ADAMTS17: variants seen among roughly 807,000 people sequenced by gnomAD.
ADAMTS17 encodes ADAM metallopeptidase with thrombospondin type 1 motif 17.
A neutral mutation model predicts 141.5 loss-of-function variants in ADAMTS17; 113 were observed. The observed-to-expected ratio is 0.80, with a 90% CI of 0.69 to 0.93. The LOEUF (loss-of-function observed/expected upper bound fraction) is 0.93. Ranked by LOEUF, ADAMTS17 falls within the 40% of genes least tolerant of loss-of-function variation. The pLI, the probability that ADAMTS17 is intolerant of heterozygous loss-of-function variation, is 0.00. For synonymous variants in ADAMTS17, 768 were observed against 630.6 expected, an observed-to-expected ratio of 1.22 and a Z score of -3.27; for missense variants, 1,659 against 1,517.9, an observed-to-expected ratio of 1.09 and a Z score of -1.54.
At chr15:100,232,839 G>C (rs917034301) in intron 7 of ADAMTS17, among the ~76,000 whole-genome samples, 4 of 152,098 alleles carry the variant, frequency 2.6e-5, no homozygotes, top group Non-Finnish European at 5.9e-5. Context: ...GTTGGAGGCG[G>C]CGCAGATCGA....
chr15:100,334,602 C>T (rs1004459911), intron 2 of ADAMTS17, among the ~76,000 whole-genome samples: 2 of 152,290 alleles, frequency 1.3e-5, no homozygotes, highest in African/African-American at 2.4e-5. Flanking sequence ...CCCCGACTCT[C>T]GGGTGGGCAC....
intron 13 of ADAMTS17, among the ~76,000 whole-genome samples, chr15:100,109,429 T>C (rs943408273): frequency 1.3e-5 from 2 of 149,066 alleles, no homozygotes; most frequent in African/African-American, 4.9e-5. Flanking sequence ...TGCTAATCTC[T>C]ACGTTGAATA....
intron 3 of ADAMTS17, among the ~76,000 whole-genome samples, chr15:100,292,038 G>A (rs1317070944): frequency 6.6e-6 from 1 of 151,096 alleles, no homozygotes. Context: ...AATCACGAGA[G>A]ACGCTCAGCC....
At chr15:100,161,493 C>A (rs61075242) in intron 8 of ADAMTS17, among the ~76,000 whole-genome samples, 15 of 152,216 alleles carry the variant, frequency 9.9e-5, no homozygotes, top group African/African-American at 3.6e-4. Context: ...TCCAGCCCTA[C>A]TTTCATAGCC....
intron 7 of ADAMTS17, among the ~76,000 whole-genome samples, chr15:100,237,337 G>A (rs2042689722): frequency 6.6e-6 from 1 of 152,122 alleles, no homozygotes; most frequent in Non-Finnish European, 1.5e-5. Context: ...CTGCTTTTGG[G>A]GTCTCACTTC....
chr15:100,325,548 G>T (rs570315491), intron 3 of ADAMTS17, among the ~76,000 whole-genome samples: 6 of 152,194 alleles, frequency 3.9e-5, no homozygotes, highest in Non-Finnish European at 7.3e-5. Flanking sequence ...AGCCTAGTGG[G>T]AGGTGGCGGA....
At chr15:100,135,384 C>T (rs1237349107) in intron 10 of ADAMTS17, among the ~76,000 whole-genome samples, 3 of 151,652 alleles carry the variant, frequency 2.0e-5, no homozygotes, top group Non-Finnish European at 4.4e-5. Context: ...CCCAGGTTCA[C>T]GCCATTCTCC....
At chr15:100,334,855 A>C (rs567986242) in intron 2 of ADAMTS17, among the ~76,000 whole-genome samples, 1 of 152,166 alleles carries the variant, frequency 6.6e-6, no homozygotes, top group South Asian at 2.1e-4. Context: ...CAGCCAGCCA[A>C]AAAGGACTGC....
chr15:100,096,165 T>C (rs1053412399), intron 15 of ADAMTS17, among the ~76,000 whole-genome samples, 191 bp downstream of exon 15: 7 of 152,232 alleles, frequency 4.6e-5, no homozygotes, highest in Non-Finnish European at 1.0e-4. Flanking sequence ...TATTCACTAC[T>C]AGCAACGTGA....
intron 18 of ADAMTS17, 97 bp downstream of exon 18, chr15:100,048,760 G>T: frequency 6.5e-7 from 1 of 1,544,640 alleles, no homozygotes. Flanking sequence ...ACAGCATAGA[G>T]CAGTACTGTG....
chr15:100,160,106 T>C (rs7183838), intron 8 of ADAMTS17, among the ~76,000 whole-genome samples: 44,200 of 151,960 alleles, frequency 0.29, 8,656 homozygotes, highest in African/African-American at 0.55. Flanking sequence ...GTTACAAAAT[T>C]TGCACATTCA....
intron 18 of ADAMTS17, among the ~76,000 whole-genome samples, chr15:100,002,391 G>A (rs1045394605): frequency 1.3e-5 from 2 of 152,032 alleles, no homozygotes; most frequent in Non-Finnish European, 2.9e-5. Flanking sequence ...TTGGCATGCC[G>A]TAGGCCACAG....
At chr15:100,004,497 A>G (rs549973671) in intron 18 of ADAMTS17, among the ~76,000 whole-genome samples, 1 of 152,328 alleles carries the variant, frequency 6.6e-6, no homozygotes, top group South Asian at 2.1e-4. Flanking sequence ...AACAATTTAT[A>G]TTCCAATTAC....
At position 100,262,390 on chromosome 15, in the gene ADAMTS17, T is replaced by C. The variant is rs753744931; in HGVS notation, c.835A>G (p.Ile279Val). 2 of 1,614,032 alleles carry C rather than the reference T, an allele frequency of 1.2e-6. No individual in the cohort carries two copies. The highest frequency in any genetic ancestry group is 2.2e-5 in the South Asian group (2 of 91,076). ...QHQSLGIKIN[I>V]QVTKLVLLRQ... ...AGCAGGACAAGCTTGGTCACTTGAA[T>C]GTTAATTTTAATCCCCAGGCTCTGG... Residue 279 changes from isoleucine to valine, a missense_variant, in exon 5 of 22, where the codon ATT (isoleucine) becomes GTT (valine). Coordinates refer to ENST00000268070, the MANE Select transcript of ADAMTS17 (RefSeq NM_139057.4).
intron 14 of ADAMTS17, among the ~76,000 whole-genome samples, chr15:100,099,372 A>C (rs1160771962): frequency 6.6e-6 from 1 of 152,208 alleles, no homozygotes; most frequent in African/African-American, 2.4e-5. Flanking sequence ...AGCAACTTAT[A>C]ATCTTGGCAG....
In ADAMTS17 at chr15:100,205,741, C is replaced by T. The variant is rs941456951; in HGVS notation, c.1076-6318G>A. ...CCTGTATGTGACACAGGCCTTGCGC[C>T]GGGCAGAGTCTAAGCTGAGCAGGCA... On this transcript the variant is annotated intron_variant, in intron 7 of 21. Transcript: ENST00000268070. Among the ~76,000 whole-genome samples, 26 of 152,314 alleles carry T rather than the reference C, an allele frequency of 1.7e-4. 1 individual carries two copies. The East Asian group carries it at 2.1e-3, about 12-fold the overall frequency.
intron 18 of ADAMTS17, among the ~76,000 whole-genome samples, chr15:100,020,743 C>A (rs1430614277): frequency 6.6e-6 from 1 of 152,214 alleles, no homozygotes; most frequent in Non-Finnish European, 1.5e-5. Flanking sequence ...CAGGCTAGAG[C>A]CATGTGGAGA....
chr15:100,102,325 T>A (rs556096308), intron 14 of ADAMTS17, among the ~76,000 whole-genome samples: 3 of 149,942 alleles, frequency 2.0e-5, no homozygotes, highest in Non-Finnish European at 3.0e-5. Flanking sequence ...GGATCTACAT[T>A]TGAGGGCCGA....
At chr15:100,181,908 T>C (rs1356839890) in intron 8 of ADAMTS17, among the ~76,000 whole-genome samples, 1 of 152,218 alleles carries the variant, frequency 6.6e-6, no homozygotes, top group Non-Finnish European at 1.5e-5. Flanking sequence ...GTTTCAGTCC[T>C]TGTGGCCCAA....
Sources: gnomAD v4.1 joint callset for allele counts (sites outside exome capture counted in the v4.1 genomes callset) on GRCh38, gnomAD v4.1.1 for gene constraint, MANE v1.5 for transcripts, NCBI Gene and HGNC (gene_info 2026-07-23, HGNC 2026-07-21) for gene names.